Variants in SDR16C5 observed in about 807,000 individuals in gnomAD.
SDR16C5 encodes short chain dehydrogenase/reductase family 16C member 5.
A neutral mutation model predicts 27.7 loss-of-function variants in SDR16C5; 20 were observed. That is an observed-to-expected ratio of 0.72 (90% CI 0.51 to 1.05). The LOEUF is 1.05. Ranked by LOEUF, SDR16C5 falls within the 50% of genes least tolerant of loss-of-function variation. SDR16C5 has a pLI of 0.00. For missense variants in SDR16C5, 374 were observed against 366.3 expected (o/e 1.02, Z -0.17); for synonymous variants, 139 against 132.3 (o/e 1.05, Z -0.35).
At chr8:56,319,659 A>G (rs1426187154) in intron 1 of SDR16C5, among the ~76,000 whole-genome samples, 1 of 152,134 alleles carries the variant, frequency 6.6e-6, no homozygotes, top group African/African-American at 2.4e-5. Context: ...GCTTGGGTTG[A>G]AAGGGGTGAT....
At position 56,301,362 on chromosome 8, in the gene SDR16C5, A is replaced by G; in HGVS notation, c.*118T>C. On this transcript the variant is annotated 3_prime_UTR_variant, in exon 7 of 7. Coordinates refer to ENST00000303749, the MANE Select transcript of SDR16C5 (RefSeq NM_138969.4). ...AAAATTCTAGTCCAGATAACAGAAT[A>G]GGAGTGGTACTTGTGGTCTCCAGAT... 1 of 679,966 alleles carries G rather than the reference A, an allele frequency of 1.5e-6. No individual in the cohort carries two copies. Among genetic ancestry groups the G allele is most frequent in the Non-Finnish European group, 2.7e-6 (1 of 372,860 alleles). The allele number at this position is 679,966 out of a possible 1,614,324, so 42.1% of individuals were successfully genotyped here.
intron 4 of SDR16C5, 118 bp from the exon 5 acceptor site, chr8:56,306,938 G>T: frequency 1.1e-6 from 1 of 892,154 alleles, no homozygotes; most frequent in Non-Finnish European, 1.6e-6. Flanking sequence ...TTCTCCTTTT[G>T]TGTAATCTTG....
At position 56,303,894 on chromosome 8, in the gene SDR16C5, T is replaced by A. The variant is rs1349401373; in HGVS notation, c.836+1703A>T. The A allele has an allele frequency of 4.3e-6, 3 of 696,738 alleles. No homozygotes were observed. The African/African-American group carries it at 5.3e-5, about 12-fold the overall frequency. 43.2% of individuals were successfully genotyped at this position (696,738 alleles called of 1,614,324 possible). A position where few individuals can be genotyped will look rare whatever the true frequency, so the allele number is the denominator to read the frequency against. On this transcript the variant is annotated intron_variant, in intron 6 of 6. Transcript: ENST00000303749. ...CAGTGCATTACACGAATCTACAAGC[T>A]ACGACAAACATTGTCTCTACAATGT...
chr8:56,317,402 T>C (rs1240818121), intron 1 of SDR16C5, among the ~76,000 whole-genome samples: 1 of 152,156 alleles, frequency 6.6e-6, no homozygotes, highest in African/African-American at 2.4e-5. Context: ...ATATATAAGG[T>C]GTGCTTTACT....
Position 56,316,375 on chromosome 8 carries a change from C to G in SDR16C5, c.-14-14G>C. The G allele has an allele frequency of 6.6e-7, 1 of 1,509,592 alleles. No individual in the cohort carries two copies. The highest frequency in any genetic ancestry group is 9.2e-7 in the Non-Finnish European group (1 of 1,086,798). 93.5% of individuals were successfully genotyped at this position (1,509,592 alleles called of 1,614,324 possible). ...TCTGGCTGACACCTGTGAAGAAAGACAGATTCACATGAAGACTTATTTGTC... is the reference window on the plus strand; with the variant it reads ...TCTGGCTGACACCTGTGAAGAAAGAGAGATTCACATGAAGACTTATTTGTC... On this transcript the variant is annotated splice_polypyrimidine_tract_variant and intron_variant, in intron 1 of 6. Transcript: ENST00000303749.
At chr8:56,318,006 G>A (rs1169952508) in intron 1 of SDR16C5, among the ~76,000 whole-genome samples, 1 of 152,192 alleles carries the variant, frequency 6.6e-6, no homozygotes, top group Non-Finnish European at 1.5e-5. Flanking sequence ...AAAGTGCAGT[G>A]TGCTATGGAG....
At chr8:56,301,925 A>G (rs1340828104) in intron 6 of SDR16C5, among the ~76,000 whole-genome samples, 1 of 152,158 alleles carries the variant, frequency 6.6e-6, no homozygotes, top group Non-Finnish European at 1.5e-5. Flanking sequence ...TAGCTCTGTC[A>G]TTTGCAGTGC....
rs902565347 is a variant in SDR16C5 at position 56,300,463 on chromosome 8, C to G, written c.*1017G>C. 1.3e-5 allele frequency: 2 copies of G among 152,148 alleles called. No homozygotes were observed. The highest frequency in any genetic ancestry group is 2.9e-5 in the Non-Finnish European group (2 of 68,050). 9.4% of individuals were successfully genotyped at this position (152,148 alleles called of 1,614,324 possible). A position where few individuals can be genotyped will look rare whatever the true frequency, so the allele number is the denominator to read the frequency against. ...GCCCCCACCAGCCTGAGAAGGAGTT[C>G]CAGGGATATGGTAATTAACATATTT... is the stretch of plus-strand genomic sequence containing the variant. On this transcript the variant is annotated 3_prime_UTR_variant, in exon 7 of 7. Coordinates refer to ENST00000303749, the MANE Select transcript of SDR16C5 (RefSeq NM_138969.4).
At chr8:56,312,510 G>A (rs1429671673) in intron 2 of SDR16C5, among the ~76,000 whole-genome samples, 7 of 152,086 alleles carry the variant, frequency 4.6e-5, no homozygotes. Context: ...TTTGAGACCA[G>A]CCTGGCCAAC....
rs1814728169 is a variant in SDR16C5, at chr8:56,300,684, G to T, written c.*796C>A. On this transcript the variant is annotated 3_prime_UTR_variant, in exon 7 of 7. Transcript: ENST00000303749. ...CTAAGTTGAACACTTAACTTTAATTGCACGAATATATTTTTTGGATCAATA... is the reference window on the plus strand; with the variant it reads ...CTAAGTTGAACACTTAACTTTAATTTCACGAATATATTTTTTGGATCAATA... 1 of 152,162 alleles carries T rather than the reference G, an allele frequency of 6.6e-6. No individual in the cohort carries two copies. The highest frequency in any genetic ancestry group is 6.6e-5 in the Admixed American group (1 of 15,264). The allele number at this position is 152,162 out of a possible 1,614,324, so 9.4% of individuals were successfully genotyped here. A position where few individuals can be genotyped will look rare whatever the true frequency, so the allele number is the denominator to read the frequency against.
chr8:56,314,332 A>T (rs1815131934), intron 2 of SDR16C5, among the ~76,000 whole-genome samples: 1 of 152,126 alleles, frequency 6.6e-6, no homozygotes, highest in East Asian at 1.9e-4. Flanking sequence ...TTCCCTCAAG[A>T]CCCCACAGTG....
At chr8:56,301,664 C>T (rs887003864) in intron 6 of SDR16C5, 91 bp from the exon 7 acceptor site, 8 of 910,966 alleles carry the variant, frequency 8.8e-6, no homozygotes, top group Admixed American at 1.8e-5. Context: ...CCTCTTGTGG[C>T]AGATGAAGTC....
chr8:56,307,648 A>C (rs1814919286), intron 4 of SDR16C5, among the ~76,000 whole-genome samples: 1 of 152,174 alleles, frequency 6.6e-6, no homozygotes, highest in Non-Finnish European at 1.5e-5. Flanking sequence ...AGTGGGTCAG[A>C]GGCTAGAGAC....
At chr8:56,306,456 G>A (rs1294165157) in intron 5 of SDR16C5, among the ~76,000 whole-genome samples, 1 of 152,134 alleles carries the variant, frequency 6.6e-6, no homozygotes, top group African/African-American at 2.4e-5. Flanking sequence ...CAGATCCAGG[G>A]CCTGGGGGAG....
At chr8:56,301,747 C>G (rs12675983) in intron 6 of SDR16C5, among the ~76,000 whole-genome samples, 174 bp from the exon 7 acceptor site, 27,439 of 152,138 alleles carry the variant, frequency 0.18, 2,620 homozygotes, top group African/African-American at 0.25. Flanking sequence ...TCACTATATC[C>G]GGGGACACTC....
At chr8:56,319,849 G>T (rs1437190796) in intron 1 of SDR16C5, among the ~76,000 whole-genome samples, 3 of 152,286 alleles carry the variant, frequency 2.0e-5, no homozygotes, top group South Asian at 4.1e-4. Context: ...AGCCACGGGA[G>T]CCCGGGCTTC....
rs561819891 is a variant in SDR16C5, at chr8:56,313,686, G to A, written c.334-1398C>T. On this transcript the variant is annotated intron_variant, in intron 2 of 6. Transcript: ENST00000303749. ...ACCAAAATGTCATTATATGGTGCAC[G>A]ACTGTATATATTTTAAACACACAGC... 3.9e-5 allele frequency among the ~76,000 whole-genome samples: 6 copies of A among 152,292 alleles called. No individual in the cohort carries two copies. The East Asian group carries it at 1.2e-3, about 29-fold the overall frequency.
intron 4 of SDR16C5, among the ~76,000 whole-genome samples, chr8:56,307,393 G>A (rs765532863): frequency 6.6e-6 from 1 of 152,140 alleles, no homozygotes; most frequent in African/African-American, 2.4e-5. Context: ...AGTGGCATTT[G>A]TGTCCATTTT....
At chr8:56,318,274 T>C (rs993876225) in intron 1 of SDR16C5, among the ~76,000 whole-genome samples, 30 of 152,224 alleles carry the variant, frequency 2.0e-4, no homozygotes, top group African/African-American at 7.2e-4. Context: ...TTTTCATCCA[T>C]GCTTTGATGA....
Sources: gnomAD v4.1 joint callset for allele counts (sites outside exome capture counted in the v4.1 genomes callset) on GRCh38, gnomAD v4.1.1 for gene constraint, MANE v1.5 for transcripts, NCBI Gene and HGNC (gene_info 2026-07-23, HGNC 2026-07-21) for gene names.